Variants in SUSD5 observed in about 807,000 individuals in gnomAD.
The protein encoded by SUSD5 is sushi domain containing 5.
A neutral mutation model predicts 29.5 loss-of-function variants in SUSD5; 33 were observed. The ratio of observed to expected loss-of-function variants is 1.12; its 90% CI spans 0.85 to 1.49. The LOEUF (loss-of-function observed/expected upper bound fraction) is 1.49. Ranked by LOEUF, SUSD5 falls within the 40% of genes most tolerant of loss-of-function variation. SUSD5 has a pLI of 0.00. For synonymous variants in SUSD5, 308 were observed against 325.3 expected (o/e 0.95, Z 0.57); for missense variants, 776 against 800.6 (o/e 0.97, Z 0.37).
chr3:33,202,024 TTATCTATC>T (rs60454731), intron 3 of SUSD5, among the ~76,000 whole-genome samples: 158 of 146,644 alleles, frequency 1.1e-3, no homozygotes, highest in South Asian at 4.5e-3. Flanking sequence ...AGGGGAGAAG[TTATCTATC>T]TATCTATCTA....
In SUSD5 at chr3:33,154,042, A is replaced by C; in HGVS notation, c.599-9T>G. 6.4e-7 allele frequency: 1 copy of C among 1,560,074 alleles called. No homozygotes were observed. The highest frequency in any genetic ancestry group is 1.2e-5 in the South Asian group (1 of 81,740). ...GTGTGCCTCAGCCTCATCTGGAAGAAAAGAGGGAAAAAACCTCATTAGCTC... is the reference window on the plus strand; with the variant it reads ...GTGTGCCTCAGCCTCATCTGGAAGACAAGAGGGAAAAAACCTCATTAGCTC... On this transcript the variant is annotated splice_polypyrimidine_tract_variant and intron_variant, in intron 4 of 4. Coordinates refer to ENST00000309558, the MANE Select transcript of SUSD5 (RefSeq NM_015551.2).
At chr3:33,214,679 C>A (rs1324151167) in intron 1 of SUSD5, among the ~76,000 whole-genome samples, 1 of 152,126 alleles carries the variant, frequency 6.6e-6, no homozygotes, top group African/African-American at 2.4e-5. Flanking sequence ...TCCTATAGCA[C>A]ATTAATATAT....
At chr3:33,189,358 G>T (rs2031843786) in intron 3 of SUSD5, among the ~76,000 whole-genome samples, 1 of 151,794 alleles carries the variant, frequency 6.6e-6, no homozygotes, top group Non-Finnish European at 1.5e-5. Context: ...CACGCCTGTA[G>T]TCCCAGCTAC....
chr3:33,152,952 C>T lies in SUSD5; in HGVS notation c.1680G>A (p.Glu560=). 6.2e-7 allele frequency: 1 copy of T among 1,613,994 alleles called. No homozygotes were observed. Among genetic ancestry groups the T allele is most frequent in the Non-Finnish European group, 8.5e-7 (1 of 1,179,868 alleles). The change falls in exon 5 of 5, where the codon GAG becomes GAA. Residue 560 remains glutamate, a synonymous_variant. Coordinates refer to ENST00000309558, the MANE Select transcript of SUSD5 (RefSeq NM_015551.2). ...GASEELHPTL[E]SCVGDGCPGL... ...CAGGACATCCGTCCCCCACACACGA[C>T]TCCAAGGTGGGATGAAGCTCCTCAC... is the stretch of plus-strand genomic sequence containing the variant.
At chr3:33,171,365 TG>T (rs1405210980) in intron 4 of SUSD5, among the ~76,000 whole-genome samples, 2 of 151,700 alleles carry the variant, frequency 1.3e-5, no homozygotes, top group Non-Finnish European at 2.9e-5. Flanking sequence ...AAGGGTATTA[TG>T]GGCAAATTAA....
intron 2 of SUSD5, among the ~76,000 whole-genome samples, chr3:33,211,329 A>G (rs182650938): frequency 3.3e-5 from 5 of 152,342 alleles, no homozygotes; most frequent in Admixed American, 3.3e-4. Context: ...GAGAGACCTA[A>G]GCCTAGTTGC....
intron 3 of SUSD5, among the ~76,000 whole-genome samples, chr3:33,199,149 G>A (rs531032598): frequency 6.6e-6 from 1 of 151,910 alleles, no homozygotes; most frequent in South Asian, 2.1e-4. Flanking sequence ...TCTCCCTTCA[G>A]TCTCACTGCT....
At chr3:33,163,994 C>T (rs529484022) in intron 4 of SUSD5, among the ~76,000 whole-genome samples, 141 of 151,170 alleles carry the variant, frequency 9.3e-4, no homozygotes, top group Middle Eastern at 3.4e-3. Context: ...AGCAAGACTC[C>T]GTCTCAAAAA....
intron 3 of SUSD5, among the ~76,000 whole-genome samples, chr3:33,175,490 C>T (rs969453367): frequency 2.6e-5 from 4 of 151,908 alleles, no homozygotes; most frequent in Non-Finnish European, 4.4e-5. Context: ...CCCCCTTCCC[C>T]GCCCACAACC....
intron 3 of SUSD5, among the ~76,000 whole-genome samples, chr3:33,182,666 T>C (rs553446115): frequency 5.2e-4 from 79 of 152,364 alleles, no homozygotes; most frequent in African/African-American, 1.5e-3. Context: ...TTTACCATTA[T>C]GTAATTCTTC....
At chr3:33,169,863 TCTGAG>T (rs1448010207) in intron 4 of SUSD5, among the ~76,000 whole-genome samples, 2 of 152,112 alleles carry the variant, frequency 1.3e-5, no homozygotes, top group Non-Finnish European at 2.9e-5. Flanking sequence ...GGTGGGCCTT[TCTGAG>T]CCTGTCTTCA....
At chr3:33,171,239 C>T (rs1056969716) in intron 4 of SUSD5, among the ~76,000 whole-genome samples, 1 of 151,912 alleles carries the variant, frequency 6.6e-6, no homozygotes, top group African/African-American at 2.4e-5. Context: ...CCCAGCTATT[C>T]GGGAGGCTGA....
intron 3 of SUSD5, among the ~76,000 whole-genome samples, chr3:33,196,646 G>A (rs2032001565): frequency 6.6e-6 from 1 of 152,186 alleles, no homozygotes; most frequent in African/African-American, 2.4e-5. Flanking sequence ...GGCTCCCTGG[G>A]AAAGTTTTCT....
At chr3:33,168,581 C>A in intron 4 of SUSD5, 3 of 985,474 alleles carry the variant, frequency 3.0e-6, no homozygotes, top group Non-Finnish European at 3.6e-6. Context: ...TTCTCCTCCC[C>A]ATCTCAGGGC....
At position 33,150,579 on chromosome 3, in the gene SUSD5, T is replaced by C. The variant is rs1369285341; in HGVS notation, c.*2163A>G. 9 of 152,236 alleles carry C rather than the reference T, an allele frequency of 5.9e-5. No homozygotes were observed. 9.4% of individuals were successfully genotyped at this position (152,236 alleles called of 1,614,324 possible). A position where few individuals can be genotyped will look rare whatever the true frequency, so the allele number is the denominator to read the frequency against. ...TTATTCTATTATGTTTTGCTTTGGC[T>C]ACATGCAGAAAGCATTTTATTCCTA... is the stretch of plus-strand genomic sequence containing the variant. On this transcript the variant is annotated 3_prime_UTR_variant, in exon 5 of 5. Coordinates refer to ENST00000309558, the MANE Select transcript of SUSD5 (RefSeq NM_015551.2).
At chr3:33,169,159 T>C (rs2031368471) in intron 4 of SUSD5, among the ~76,000 whole-genome samples, 1 of 152,208 alleles carries the variant, frequency 6.6e-6, no homozygotes, top group Admixed American at 6.5e-5. Context: ...GATGGAAGTG[T>C]TCTATATTTT....
At chr3:33,166,856 T>C (rs2125617538) in intron 4 of SUSD5, among the ~76,000 whole-genome samples, 1 of 152,300 alleles carries the variant, frequency 6.6e-6, no homozygotes, top group African/African-American at 2.4e-5. Context: ...GGATAATCAA[T>C]GTCTGCTAAC....
rs192359647 is a variant in SUSD5 at position 33,155,947 on chromosome 3, C to T, written c.599-1914G>A. On this transcript the variant is annotated intron_variant, in intron 4 of 4. Coordinates refer to ENST00000309558, the MANE Select transcript of SUSD5 (RefSeq NM_015551.2). ...TGCTGGCAATATTCGATTTCTTCAC[C>T]TGTGTCAAGGCCTAAATATCAGTGT... is the stretch of plus-strand genomic sequence containing the variant. Among the ~76,000 whole-genome samples, 87 of 152,232 alleles carry T rather than the reference C, an allele frequency of 5.7e-4. 1 individual carries two copies. The highest frequency in any genetic ancestry group is 2.1e-3 in the African/African-American group (86 of 41,522).
rs185675845 is a variant in SUSD5, at chr3:33,175,515, A to G, written c.410-441T>C. 3.4e-4 allele frequency among the ~76,000 whole-genome samples: 52 copies of G among 151,974 alleles called. No homozygotes were observed. In the East Asian group the frequency reaches 6.8e-3, roughly 20 times the overall value. On this transcript the variant is annotated intron_variant, in intron 3 of 4. Transcript: ENST00000309558. ...CGCCCACAACCTCAACACCAACAGC[A>G]ACACCGTTATCAGTTTGGTATACAC...
Sources: allele counts gnomAD v4.1 joint callset (sites outside exome capture counted in the v4.1 genomes callset), GRCh38; gene constraint gnomAD v4.1.1; transcripts MANE v1.5; gene names NCBI Gene and HGNC (gene_info 2026-07-23, HGNC 2026-07-21).